Variants in WWOX observed in about 807,000 individuals in gnomAD.
WWOX encodes the protein WW domain containing oxidoreductase, also known as WW domain-containing oxidoreductase.
A neutral mutation model predicts 46.2 loss-of-function variants in WWOX; 69 were observed. The observed-to-expected ratio is 1.49, with a 90% CI of 1.23 to 1.82. WWOX has a LOEUF of 1.82. Ranked by LOEUF, WWOX falls within the 40% of genes most tolerant of loss-of-function variation. WWOX has a pLI of 0.00. For missense variants in WWOX, 919 were observed against 542.6 expected, an observed-to-expected ratio of 1.69 and a Z score of -6.89; for synonymous variants, 359 against 202.6, an observed-to-expected ratio of 1.77 and a Z score of -6.56.
intron 8 of WWOX, chr16:79,205,351 A>G (rs1035767158): frequency 6.6e-6 from 1 of 152,242 alleles, no homozygotes; most frequent in African/African-American, 2.4e-5. Context: ...TGGGAGAGGC[A>G]ACTGAAAAGG....
intron 8 of WWOX, among the ~76,000 whole-genome samples, chr16:78,912,845 TATTATCATTGG>T (rs2045146889): frequency 6.6e-6 from 1 of 151,952 alleles, no homozygotes; most frequent in Admixed American, 6.6e-5. Context: ...AGGTCAGACG[TATTATCATTGG>T]TTAGATGCCG....
intron 8 of WWOX, among the ~76,000 whole-genome samples, chr16:78,656,923 C>T (rs1030543456): frequency 1.2e-4 from 18 of 152,296 alleles, no homozygotes; most frequent in Admixed American, 2.6e-4. Flanking sequence ...GTCGATACAC[C>T]GCTGCTCTGA....
chr16:79,013,653 C>T (rs142770923), intron 8 of WWOX, among the ~76,000 whole-genome samples: 5 of 152,222 alleles, frequency 3.3e-5, no homozygotes, highest in Non-Finnish European at 5.9e-5. Flanking sequence ...CCTCGGAGGT[C>T]GGTTTGCATC....
chr16:79,179,956 A>C (rs574893767), intron 8 of WWOX, among the ~76,000 whole-genome samples: 1 of 152,232 alleles, frequency 6.6e-6, no homozygotes, highest in Non-Finnish European at 1.5e-5. Context: ...AAGTTTACAT[A>C]CAAGACTTAA....
At chr16:78,830,365 C>T (rs535077548) in intron 8 of WWOX, among the ~76,000 whole-genome samples, 1 of 152,118 alleles carries the variant, frequency 6.6e-6, no homozygotes. Flanking sequence ...CCTACCTGCT[C>T]TTGAGAAAGT....
intron 5 of WWOX, among the ~76,000 whole-genome samples, chr16:78,214,351 A>C (rs1355932939): frequency 6.6e-6 from 1 of 152,032 alleles, no homozygotes; most frequent in Non-Finnish European, 1.5e-5. Flanking sequence ...GTTGGTTTGT[A>C]ATTGTTCCTA....
chr16:78,337,395 G>T (rs73576467), intron 5 of WWOX, among the ~76,000 whole-genome samples: 2,038 of 152,244 alleles, frequency 0.013, 51 homozygotes, highest in African/African-American at 0.047. Context: ...TGTACCCACT[G>T]ATCCCTGGTC....
chr16:78,579,083 A>G (rs563912923), intron 8 of WWOX, among the ~76,000 whole-genome samples: 1 of 151,988 alleles, frequency 6.6e-6, no homozygotes, highest in South Asian at 2.1e-4. Context: ...CAGCCACTTC[A>G]TCATGTTTGG....
chr16:78,359,275 C>G lies in WWOX; in HGVS notation c.517-27585C>G, dbSNP rs9938688. ...TTGCTTGGCAATTTGTTCCAATATT[C>G]TTTTCAGTTTTAAATAAGTTTTGAA... On this transcript the variant is annotated intron_variant, in intron 5 of 8. Coordinates refer to ENST00000566780, the MANE Select transcript of WWOX (RefSeq NM_016373.4). Among the ~76,000 whole-genome samples the G allele has an allele frequency of 3.5e-4, 54 of 152,264 alleles. 1 individual carries two copies. Among genetic ancestry groups the G allele is most frequent in the African/African-American group, 1.2e-3 (49 of 41,564 alleles).
rs560594354 is a variant in WWOX, at chr16:79,033,931, A to C, written c.1057-177677A>C. ...CATAGCTGGCTGGCTAGACCATGTCACAGGGATGTTGGAACTGGGTGGCAC... is the reference window on the plus strand; with the variant it reads ...CATAGCTGGCTGGCTAGACCATGTCCCAGGGATGTTGGAACTGGGTGGCAC... On this transcript the variant is annotated intron_variant, in intron 8 of 8. Transcript: ENST00000566780. 3.4e-4 allele frequency among the ~76,000 whole-genome samples: 52 copies of C among 152,320 alleles called. 1 individual carries two copies. The highest frequency in any genetic ancestry group is 2.9e-3 in the Admixed American group (44 of 15,298).
At chr16:79,133,508 G>T (rs1040431634) in intron 8 of WWOX, among the ~76,000 whole-genome samples, 3 of 152,212 alleles carry the variant, frequency 2.0e-5, no homozygotes. Flanking sequence ...TCTCATTTTA[G>T]TATATTTAAA....
intron 8 of WWOX, among the ~76,000 whole-genome samples, chr16:79,025,525 C>A (rs372837625): frequency 9.2e-5 from 14 of 151,982 alleles, no homozygotes; most frequent in African/African-American, 3.4e-4. Context: ...CCCCCACAAG[C>A]CAGGGAGCAC....
At chr16:78,670,985 T>C (rs1365458923) in intron 8 of WWOX, among the ~76,000 whole-genome samples, 1 of 151,492 alleles carries the variant, frequency 6.6e-6, no homozygotes, top group Non-Finnish European at 1.5e-5. Context: ...TGGTGCCATC[T>C]ACCAGCCAAG....
At chr16:78,682,671 T>A (rs1333938023) in intron 8 of WWOX, among the ~76,000 whole-genome samples, 3 of 152,130 alleles carry the variant, frequency 2.0e-5, no homozygotes, top group Non-Finnish European at 4.4e-5. Flanking sequence ...TTGAGAAGTT[T>A]GAGATTGGCC....
chr16:78,509,329 A>G (rs1267501849), intron 8 of WWOX, among the ~76,000 whole-genome samples: 1 of 152,040 alleles, frequency 6.6e-6, no homozygotes, highest in African/African-American at 2.4e-5. Context: ...AGTCCTAGCT[A>G]CTTAGGTAGC....
At chr16:79,011,096 A>G (rs957868393) in intron 8 of WWOX, among the ~76,000 whole-genome samples, 1 of 151,650 alleles carries the variant, frequency 6.6e-6, no homozygotes, top group Non-Finnish European at 1.5e-5. Context: ...GTATCTTTAC[A>G]TATGATATGT....
At chr16:79,014,838 G>A (rs1272787824) in intron 8 of WWOX, among the ~76,000 whole-genome samples, 1 of 152,128 alleles carries the variant, frequency 6.6e-6, no homozygotes, top group Non-Finnish European at 1.5e-5. Flanking sequence ...ATATTTATCT[G>A]ATTATCTGAT....
chr16:79,162,027 T>C lies in WWOX; in HGVS notation c.1057-49581T>C, dbSNP rs148880681. On this transcript the variant is annotated intron_variant, in intron 8 of 8. Coordinates refer to ENST00000566780, the MANE Select transcript of WWOX (RefSeq NM_016373.4). The stretch of plus-strand genomic sequence containing the variant: ...AGAACCAGGACACCTGTCTCCCAGA[T>C]CTGTCCTTTTCTTGGATAGCTTGAA... Among the ~76,000 whole-genome samples, 488 of 152,302 alleles carry C rather than the reference T, an allele frequency of 3.2e-3. 1 individual carries two copies. Among genetic ancestry groups the C allele is most frequent in the African/African-American group, 0.011 (460 of 41,562 alleles).
intron 6 of WWOX, among the ~76,000 whole-genome samples, chr16:78,407,069 G>T (rs1597181437): frequency 6.6e-6 from 1 of 152,300 alleles, no homozygotes; most frequent in African/African-American, 2.4e-5. Context: ...GGCAGCTGTT[G>T]AAGGGAATTG....
Sources: allele counts gnomAD v4.1 joint callset (sites outside exome capture counted in the v4.1 genomes callset), GRCh38; gene constraint gnomAD v4.1.1; transcripts MANE v1.5; gene names NCBI Gene and HGNC (gene_info 2026-07-23, HGNC 2026-07-21).